Variants in NMNAT3 observed in about 807,000 individuals in gnomAD.
NMNAT3 encodes the protein nicotinamide/nicotinic acid mononucleotide adenylyltransferase 3.
NMNAT3 carries 21 observed loss-of-function variants against 24.8 expected under a neutral mutation model. The observed-to-expected ratio is 0.85, with a 90% CI of 0.60 to 1.22. NMNAT3 has a LOEUF of 1.22. Among genes scored for constraint, NMNAT3 ranks in the 50% most tolerant of loss-of-function variants. The pLI is 0.00. For missense variants in NMNAT3, 387 were observed against 436.6 expected, an observed-to-expected ratio of 0.89 and a Z score of 1.01; for synonymous variants, 136 against 155.2, an observed-to-expected ratio of 0.88 and a Z score of 0.92.
chr3:139,570,260 G>C (rs1559857103), intron 6 of NMNAT3: 1 of 152,104 alleles, frequency 6.6e-6, no homozygotes, highest in African/African-American at 2.4e-5. Flanking sequence ...TTTTTTCAAA[G>C]ATTTTAACTT....
chr3:139,663,932 A>G (rs1235197040), intron 1 of NMNAT3, among the ~76,000 whole-genome samples: 1 of 152,216 alleles, frequency 6.6e-6, no homozygotes, highest in Non-Finnish European at 1.5e-5. Context: ...AATGCCCTCC[A>G]AGCACACCAC....
intron 3 of NMNAT3, among the ~76,000 whole-genome samples, chr3:139,614,131 TATA>T (rs1232645160): frequency 6.6e-6 from 1 of 151,598 alleles, no homozygotes; most frequent in Non-Finnish European, 1.5e-5. Flanking sequence ...AATCTTAAAG[TATA>T]ATAATAATAA....
chr3:139,650,062 C>T (rs1388397591), intron 1 of NMNAT3, among the ~76,000 whole-genome samples: 1 of 152,200 alleles, frequency 6.6e-6, no homozygotes, highest in Non-Finnish European at 1.5e-5. Context: ...TAACTTCCAT[C>T]TCAAACACAG....
intron 6 of NMNAT3, chr3:139,568,528 T>C (rs997462882): frequency 1.3e-5 from 2 of 152,208 alleles, no homozygotes; most frequent in African/African-American, 2.4e-5. Flanking sequence ...TCCCAGAGAT[T>C]CTGGTATGTT....
intron 3 of NMNAT3, among the ~76,000 whole-genome samples, chr3:139,601,688 C>T (rs2054723135): frequency 6.6e-6 from 1 of 152,088 alleles, no homozygotes; most frequent in Non-Finnish European, 1.5e-5. Flanking sequence ...GCCCTGCTCT[C>T]ACAGGATGGG....
At chr3:139,652,154 C>T (rs749077999) in intron 1 of NMNAT3, among the ~76,000 whole-genome samples, 2 of 152,206 alleles carry the variant, frequency 1.3e-5, no homozygotes, top group Non-Finnish European at 2.9e-5. Context: ...CCAGCCAGTG[C>T]CCAGGCCTGG....
intron 6 of NMNAT3, among the ~76,000 whole-genome samples, chr3:139,562,579 G>C (rs1393764985): frequency 6.6e-6 from 1 of 152,182 alleles, no homozygotes; most frequent in African/African-American, 2.4e-5. Flanking sequence ...TGTGTAAATG[G>C]TCAGTTTAGG....
At chr3:139,580,694 T>G (rs982920793) in intron 4 of NMNAT3, among the ~76,000 whole-genome samples, 1 of 152,220 alleles carries the variant, frequency 6.6e-6, no homozygotes, top group African/African-American at 2.4e-5. Flanking sequence ...TTAATTTCCT[T>G]AATGATTATA....
intron 3 of NMNAT3, among the ~76,000 whole-genome samples, chr3:139,603,849 C>T (rs994985841): frequency 1.3e-5 from 2 of 152,184 alleles, no homozygotes; most frequent in African/African-American, 2.4e-5. Context: ...CACCCACTGT[C>T]GCCACTGTCC....
chr3:139,610,474 G>T (rs2055158600), intron 3 of NMNAT3, among the ~76,000 whole-genome samples: 1 of 152,200 alleles, frequency 6.6e-6, no homozygotes, highest in Non-Finnish European at 1.5e-5. Context: ...CAAAACAATT[G>T]TTGGAGTAAT....
intron 2 of NMNAT3, among the ~76,000 whole-genome samples, chr3:139,628,522 T>C (rs1365968553): frequency 6.6e-6 from 1 of 152,252 alleles, no homozygotes; most frequent in Non-Finnish European, 1.5e-5. Flanking sequence ...GACTATTATC[T>C]AATGTGCAGA....
At chr3:139,602,118 G>A (rs1559896964) in intron 3 of NMNAT3, among the ~76,000 whole-genome samples, 1 of 152,208 alleles carries the variant, frequency 6.6e-6, no homozygotes, top group African/African-American at 2.4e-5. Flanking sequence ...GTTAAATGCT[G>A]TGGTGAAACA....
At chr3:139,561,416 G>A in intron 6 of NMNAT3, 24 bp from the exon 7 acceptor site, 6 of 1,600,486 alleles carry the variant, frequency 3.7e-6, no homozygotes, top group Admixed American at 1.7e-5. Context: ...GATGGACCCA[G>A]TAAAGTTAGA....
chr3:139,595,702 C>A (rs1191320678), intron 3 of NMNAT3, among the ~76,000 whole-genome samples: 2 of 142,962 alleles, frequency 1.4e-5, no homozygotes, highest in African/African-American at 5.5e-5. Context: ...GAAAAACAAG[C>A]AATGGGGAAA....
At chr3:139,580,365 C>T (rs939517792) in intron 4 of NMNAT3, among the ~76,000 whole-genome samples, 1 of 152,182 alleles carries the variant, frequency 6.6e-6, no homozygotes, top group Non-Finnish European at 1.5e-5. Flanking sequence ...TCAAGTGATC[C>T]ACCCATCTCG....
chr3:139,649,688 A>C (rs1347226423), intron 1 of NMNAT3, among the ~76,000 whole-genome samples: 2 of 152,112 alleles, frequency 1.3e-5, no homozygotes, highest in Non-Finnish European at 2.9e-5. Context: ...CACACCAGGG[A>C]GGGGGGCACT....
rs373727267 is a variant in NMNAT3, at chr3:139,561,298, C to T, written c.753G>A (p.Val251=). 22 of 1,614,034 alleles carry T rather than the reference C, an allele frequency of 1.4e-5. No individual in the cohort carries two copies. The African/African-American group carries it at 1.6e-4, about 12-fold the overall frequency. Residue 251 remains valine (V), a synonymous_variant, in exon 7 of 7, where the codon GTG becomes GTA. Coordinates refer to ENST00000643695, the MANE Select transcript of NMNAT3 (RefSeq NM_001320510.2). ...CCACGCACACCAAGCCAAACTTCTCCACTATTTCCTGGATGTGCGCATCCT... is the reference window on the plus strand; with the variant it reads ...CCACGCACACCAAGCCAAACTTCTCTACTATTTCCTGGATGTGCGCATCCT...
At chr3:139,569,527 G>A (rs1937754824) in intron 6 of NMNAT3, 1 of 152,118 alleles carries the variant, frequency 6.6e-6, no homozygotes, top group Non-Finnish European at 1.5e-5. Context: ...AGCTCTTTTA[G>A]GGCAGGCCTG....
chr3:139,667,293 A>C (rs112809894), intron 1 of NMNAT3, among the ~76,000 whole-genome samples: 151 of 152,222 alleles, frequency 9.9e-4, no homozygotes, highest in African/African-American at 3.5e-3. Flanking sequence ...TTTTGATAAT[A>C]GTCATTTTAA....
Sources: gnomAD v4.1 joint callset for allele counts (sites outside exome capture counted in the v4.1 genomes callset) on GRCh38, gnomAD v4.1.1 for gene constraint, MANE v1.5 for transcripts, NCBI Gene and HGNC (gene_info 2026-07-23, HGNC 2026-07-21) for gene names.